TGM5: variants seen among roughly 807,000 people sequenced by gnomAD.
TGM5 encodes the protein protein-glutamine gamma-glutamyltransferase 5.
Under a neutral mutation model 77.2 loss-of-function variants are expected in TGM5, and 69 were observed. The ratio of observed to expected loss-of-function variants is 0.89; its 90% CI spans 0.74 to 1.09. TGM5 has a LOEUF of 1.09. Ranked by LOEUF, TGM5 falls within the 50% of genes least tolerant of loss-of-function variation. TGM5 has a pLI of 0.00. For missense variants in TGM5, 842 were observed against 896.5 expected, an observed-to-expected ratio of 0.94 and a Z score of 0.78; for synonymous variants, 346 against 351.8, an observed-to-expected ratio of 0.98 and a Z score of 0.18.
chr15:43,259,730 A>C (rs2042770802), intron 3 of TGM5, among the ~76,000 whole-genome samples: 1 of 152,144 alleles, frequency 6.6e-6, no homozygotes, highest in Non-Finnish European at 1.5e-5. Context: ...AGTGCAGTGC[A>C]TTCGTTCCTT....
At chr15:43,249,490 C>A (rs887147210) in intron 6 of TGM5, among the ~76,000 whole-genome samples, 2 of 152,244 alleles carry the variant, frequency 1.3e-5, no homozygotes, top group Non-Finnish European at 2.9e-5. Context: ...TTTGCCTGCT[C>A]TGGACATTTC....
intron 9 of TGM5, among the ~76,000 whole-genome samples, chr15:43,237,960 G>A (rs1018000821): frequency 3.3e-5 from 5 of 152,216 alleles, no homozygotes; most frequent in East Asian, 1.9e-4. Context: ...AGATGAGGCC[G>A]GAGGCCCCAG....
intron 7 of TGM5, chr15:43,239,505 G>T: frequency 1.9e-6 from 1 of 533,562 alleles, no homozygotes; most frequent in East Asian, 3.2e-5. Context: ...AAAAAAGGAA[G>T]ATCTCGTCTC....
At position 43,266,836 on chromosome 15, in the gene TGM5, C is replaced by A; in HGVS notation, c.10+4G>T. 1 of 1,614,194 alleles carries A rather than the reference C, an allele frequency of 6.2e-7. No individual in the cohort carries two copies. Among genetic ancestry groups the A allele is most frequent in the African/African-American group, 1.3e-5 (1 of 75,062 alleles). ...ACTCCAGTGGCCACAGGGGCTTTCC[C>A]TACCTTGGGCCATGGTAGCTGCCTC... On this transcript the variant is annotated splice_donor_region_variant and intron_variant, in intron 1 of 12. Transcript: ENST00000220420.
At chr15:43,264,713 G>A (rs2042813260) in intron 1 of TGM5, among the ~76,000 whole-genome samples, 1 of 152,142 alleles carries the variant, frequency 6.6e-6, no homozygotes, top group Admixed American at 6.5e-5. Flanking sequence ...AAAATTTTGT[G>A]AGTATATGAA....
chr15:43,235,458 C>T lies in TGM5; in HGVS notation c.1714+11G>A, dbSNP rs2042581275. On this transcript the variant is annotated intron_variant, in intron 10 of 12. Transcript: ENST00000220420. ...ACCAACTCTGCGTACACAAACTGTG[C>T]ACATGCGTACCTTCTTTAGGAGAGA... 4 of 1,613,978 alleles carry T rather than the reference C, an allele frequency of 2.5e-6. No individual in the cohort carries two copies. The highest frequency in any genetic ancestry group is 2.2e-5 in the East Asian group (1 of 44,872).
At chr15:43,237,793 T>A (rs933546601) in intron 9 of TGM5, among the ~76,000 whole-genome samples, 4 of 152,222 alleles carry the variant, frequency 2.6e-5, no homozygotes, top group Admixed American at 2.0e-4. Context: ...CAGCCAGCTG[T>A]CACTGTGCTA....
intron 1 of TGM5, among the ~76,000 whole-genome samples, chr15:43,261,152 C>G (rs1163127429): frequency 7.4e-6 from 1 of 134,486 alleles, no homozygotes; most frequent in Non-Finnish European, 1.5e-5. Flanking sequence ...TGCAGTGGCA[C>G]GATCTCGGCT....
chr15:43,262,513 G>T, intron 1 of TGM5, among the ~76,000 whole-genome samples: 1 of 152,218 alleles, frequency 6.6e-6, no homozygotes, highest in Non-Finnish European at 1.5e-5. Flanking sequence ...CCAGCCGGGC[G>T]TGGTGGCTCA....
chr15:43,265,130 C>T (rs2042815939), intron 1 of TGM5, among the ~76,000 whole-genome samples: 1 of 152,172 alleles, frequency 6.6e-6, no homozygotes, highest in Admixed American at 6.5e-5. Flanking sequence ...TCATCGCATC[C>T]TTGCAGGGAC....
intron 3 of TGM5, among the ~76,000 whole-genome samples, 187 bp from the exon 4 acceptor site, chr15:43,256,873 A>G (rs572399912): frequency 6.6e-6 from 1 of 152,210 alleles, no homozygotes; most frequent in South Asian, 2.1e-4. Context: ...CAACATGAAC[A>G]TAAGGTAGAA....
intron 3 of TGM5, among the ~76,000 whole-genome samples, chr15:43,259,538 T>A (rs1253405174): frequency 2.0e-5 from 3 of 151,684 alleles, no homozygotes; most frequent in African/African-American, 7.3e-5. Flanking sequence ...CACAGAGGCA[T>A]ACATATTTGA....
chr15:43,236,846 A>G (rs1010590241), intron 9 of TGM5, among the ~76,000 whole-genome samples: 6 of 151,900 alleles, frequency 3.9e-5, no homozygotes, highest in African/African-American at 7.3e-5. Flanking sequence ...GCAGGCACCT[A>G]TAATCCCAGC....
chr15:43,257,130 T>C (rs1271519065), intron 3 of TGM5, among the ~76,000 whole-genome samples: 2 of 152,364 alleles, frequency 1.3e-5, no homozygotes, highest in African/African-American at 2.4e-5. Context: ...ATTATTCCTT[T>C]TGTAGGCATT....
intron 1 of TGM5, among the ~76,000 whole-genome samples, chr15:43,264,037 A>C (rs1007141755): frequency 1.6e-4 from 25 of 152,244 alleles, no homozygotes; most frequent in African/African-American, 5.8e-4. Context: ...GGAGATACGC[A>C]AAAGGCTAAT....
intron 1 of TGM5, 158 bp from the exon 2 acceptor site, chr15:43,260,737 G>A (rs2042780031): frequency 1.4e-5 from 11 of 791,334 alleles, no homozygotes; most frequent in African/African-American, 3.4e-5. Flanking sequence ...GCCAGGATGA[G>A]GATAAGGATG....
In TGM5 at chr15:43,233,186, A is replaced by G; in HGVS notation, c.*5T>C. On this transcript the variant is annotated 3_prime_UTR_variant, in exon 13 of 13. Coordinates refer to ENST00000220420, the MANE Select transcript of TGM5 (RefSeq NM_201631.4). ...ATTCACACGTCTGGCGCGTTGTTCC[A>G]GAATTTATAATGCAAAGTCTACATA... is the stretch of plus-strand genomic sequence containing the variant. The G allele has an allele frequency of 5.0e-6, 8 of 1,614,140 alleles. No homozygotes were observed. The highest frequency in any genetic ancestry group is 5.9e-6 in the Non-Finnish European group (7 of 1,180,032).
At chr15:43,240,138 G>A (rs2042623771) in intron 7 of TGM5, among the ~76,000 whole-genome samples, 1 of 152,054 alleles carries the variant, frequency 6.6e-6, no homozygotes, top group Non-Finnish European at 1.5e-5. Context: ...CTTTCCTTCT[G>A]CCTTTTTGTA....
rs2042580754 is a variant in TGM5 at position 43,235,390 on chromosome 15, C to G, written c.1714+79G>C. ...ATGATGGTGTCTCAGGGGTCTGCCC[C>G]CAGAACCCTGTTGGCTGGCTTGACC... On this transcript the variant is annotated intron_variant, in intron 10 of 12. Coordinates refer to ENST00000220420, the MANE Select transcript of TGM5 (RefSeq NM_201631.4). 4 of 1,595,386 alleles carry G rather than the reference C, an allele frequency of 2.5e-6. No individual in the cohort carries two copies. The Admixed American group carries it at 6.7e-5, about 27-fold the overall frequency.
Sources: gnomAD v4.1 joint callset for allele counts (sites outside exome capture counted in the v4.1 genomes callset) on GRCh38, gnomAD v4.1.1 for gene constraint, MANE v1.5 for transcripts, NCBI Gene and HGNC (gene_info 2026-07-23, HGNC 2026-07-21) for gene names.